The following TXNL4B variants were observed in gnomAD, a reference collection of about 807,000 sequenced individuals.
TXNL4B encodes the protein thioredoxin-like protein 4B.
TXNL4B carries 12 observed loss-of-function variants against 13.0 expected under a neutral mutation model. That is an observed-to-expected ratio of 0.92 (90% confidence interval 0.59 to 1.49). TXNL4B has a LOEUF of 1.49. Among genes scored for constraint, TXNL4B ranks in the 40% most tolerant of loss-of-function variants. The pLI is 0.00. For missense variants in TXNL4B, 214 were observed against 173.6 expected (o/e 1.23, Z -1.31); for synonymous variants, 59 against 58.9 (o/e 1.00, Z -0.01).
chr16:72,089,020 A>G lies in TXNL4B; in HGVS notation c.251T>C (p.Phe84Ser). 6.2e-7 allele frequency: 1 copy of G among 1,611,008 alleles called. No individual in the cohort carries two copies. The highest frequency in any genetic ancestry group is 8.5e-7 in the Non-Finnish European group (1 of 1,177,650). Residue 84 changes from phenylalanine to serine, a missense_variant, in exon 3 of 4, where the codon TTC (phenylalanine) becomes TCC (serine). Physicochemically the swap from Phe to Ser is radical, Grantham distance 155. Coordinates refer to ENST00000268483, the MANE Select transcript of TXNL4B (RefSeq NM_017853.3). The part of the protein sequence containing the change: ...DISYIPSTVF[F>S]FNGQHMKVDY... ...CACTTTCATATGCTGCCCATTGAAGAAAAAGACAGTAGATGGAATATAACT... is the reference window on the plus strand; with the variant it reads ...CACTTTCATATGCTGCCCATTGAAGGAAAAGACAGTAGATGGAATATAACT...
chr16:72,090,527 C>A, intron 2 of TXNL4B, 91 bp downstream of exon 2: 1 of 1,369,386 alleles, frequency 7.3e-7, no homozygotes, highest in Non-Finnish European at 1.0e-6. Context: ...TATACCCAAC[C>A]CTGACTACTC....
Position 72,086,532 on chromosome 16 carries a change from C to T in TXNL4B, c.*105G>A. On this transcript the variant is annotated 3_prime_UTR_variant, in exon 4 of 4. Coordinates refer to ENST00000268483, the MANE Select transcript of TXNL4B (RefSeq NM_017853.3). ...CTACACGCAAGTCAAACCTCTTCTC[C>T]TCTGGGACACATGTTTCCAAAGGAC... is the stretch of plus-strand genomic sequence containing the variant. The T allele has an allele frequency of 8.7e-7, 1 of 1,145,566 alleles. No individual in the cohort carries two copies. The highest frequency in any genetic ancestry group is 1.2e-6 in the Non-Finnish European group (1 of 803,942). 71.0% of individuals were successfully genotyped at this position (1,145,566 alleles called of 1,614,324 possible).
At chr16:72,087,128 G>A (rs545978905) in intron 3 of TXNL4B, among the ~76,000 whole-genome samples, 5 of 152,126 alleles carry the variant, frequency 3.3e-5, no homozygotes, top group African/African-American at 4.8e-5. Context: ...TTGTTTCTTC[G>A]TTTGCTGTTG....
At chr16:72,092,078 G>C (rs765612418) in intron 1 of TXNL4B, among the ~76,000 whole-genome samples, 38 of 152,214 alleles carry the variant, frequency 2.5e-4, no homozygotes, top group Non-Finnish European at 4.8e-4. Flanking sequence ...AATATGAAAA[G>C]GGAGGATTTC....
chr16:72,089,734 G>C (rs1390477346), intron 2 of TXNL4B, among the ~76,000 whole-genome samples: 2 of 152,188 alleles, frequency 1.3e-5, no homozygotes, highest in Non-Finnish European at 2.9e-5. Flanking sequence ...ATTAGTAGCA[G>C]ACACTTATAT....
upstream of TXNL4B, chr16:72,094,152 G>C (rs1328950670): frequency 6.5e-6 from 1 of 152,796 alleles, no homozygotes; most frequent in Non-Finnish European, 1.5e-5. Flanking sequence ...CCAGTTTGGG[G>C]AGTTCCTCTG....
chr16:72,087,988 T>A (rs1225247813), intron 3 of TXNL4B, among the ~76,000 whole-genome samples: 1 of 152,108 alleles, frequency 6.6e-6, no homozygotes, highest in East Asian at 1.9e-4. Flanking sequence ...CCCAGCTAAT[T>A]TTTTGTATTT....
chr16:72,090,011 G>C (rs1182776240), intron 2 of TXNL4B: 2 of 444,938 alleles, frequency 4.5e-6, no homozygotes, highest in Non-Finnish European at 9.1e-6. Context: ...AGAATCCTCT[G>C]GTCCTTTTTT....
chr16:72,088,865 G>C (rs1023713045), intron 3 of TXNL4B, 122 bp downstream of exon 3: 3 of 630,108 alleles, frequency 4.8e-6, no homozygotes, highest in Non-Finnish European at 7.8e-6. Flanking sequence ...TGCGTCAATT[G>C]GGGAAACAGT....
intron 3 of TXNL4B, chr16:72,087,326 T>TGTGTG (rs2041837744): frequency 2.3e-4 from 32 of 141,834 alleles, no homozygotes; most frequent in African/African-American, 8.1e-4. Flanking sequence ...CCTTCCAATC[T>TGTGTG]TGTGTGTGTG....
At chr16:72,086,839 C>A (rs1014360523) in intron 3 of TXNL4B, 37 bp from the exon 4 acceptor site, 1 of 1,454,498 alleles carries the variant, frequency 6.9e-7, no homozygotes, top group Admixed American at 2.1e-5. Flanking sequence ...GCTCTAAGAA[C>A]TTTGAGTAAT....
In TXNL4B at chr16:72,086,206, T is replaced by C. The variant is rs1430304247; in HGVS notation, c.*431A>G. The C allele has an allele frequency of 1.3e-5, 2 of 156,146 alleles. No individual in the cohort carries two copies. Among genetic ancestry groups the C allele is most frequent in the Non-Finnish European group, 2.8e-5 (2 of 70,490 alleles). The allele number at this position is 156,146 out of a possible 1,614,324, so 9.7% of individuals were successfully genotyped here. On this transcript the variant is annotated 3_prime_UTR_variant, in exon 4 of 4. Transcript: ENST00000268483. Reference sequence around the variant, plus strand: ...GTGTGGGGGTGTGTGTGTGTGTGTGTGTGCACACACATGCACCCAGCTAGG... The same window carrying C: ...GTGTGGGGGTGTGTGTGTGTGTGTGCGTGCACACACATGCACCCAGCTAGG...
rs1262393156 is a variant in TXNL4B at position 72,086,551 on chromosome 16, A to C, written c.*86T>G. 7.5e-7 allele frequency: 1 copy of C among 1,335,208 alleles called. No individual in the cohort carries two copies. The allele number at this position is 1,335,208 out of a possible 1,614,324, so 82.7% of individuals were successfully genotyped here. A position where few individuals can be genotyped will look rare whatever the true frequency, so the allele number is the denominator to read the frequency against. Reference sequence around the variant, plus strand: ...CTTCTCCTCTGGGACACATGTTTCCAAAGGACTCCAGAAACACAGCACAGC... The same window carrying C: ...CTTCTCCTCTGGGACACATGTTTCCCAAGGACTCCAGAAACACAGCACAGC... On this transcript the variant is annotated 3_prime_UTR_variant, in exon 4 of 4. Coordinates refer to ENST00000268483, the MANE Select transcript of TXNL4B (RefSeq NM_017853.3).
At chr16:72,089,228 T>C in intron 2 of TXNL4B, 90 bp from the exon 3 acceptor site, 2 of 1,220,426 alleles carry the variant, frequency 1.6e-6, no homozygotes, top group East Asian at 4.9e-5. Flanking sequence ...GAGTGTTTTG[T>C]TTGAAAAAAC....
chr16:72,094,340 C>T (rs1402067080), upstream of TXNL4B: 1 of 152,312 alleles, frequency 6.6e-6, no homozygotes, highest in Non-Finnish European at 1.5e-5. Flanking sequence ...TTAACCCACC[C>T]CAGACTGTCA....
Position 72,088,935 on chromosome 16 carries a change from T to C in TXNL4B, c.284+52A>G. 3 of 1,480,624 alleles carry C rather than the reference T, an allele frequency of 2.0e-6. No homozygotes were observed. In the South Asian group the frequency reaches 3.7e-5, roughly 18 times the overall value. 91.7% of individuals were successfully genotyped at this position (1,480,624 alleles called of 1,614,324 possible). On this transcript the variant is annotated intron_variant, in intron 3 of 3. Coordinates refer to ENST00000268483, the MANE Select transcript of TXNL4B (RefSeq NM_017853.3). ...GAAATAGGCAAGCTACTGAAAATGC[T>C]TACCAAGGAAACTTACAAGGTTGCA...
Position 72,086,631 on chromosome 16 carries a change from A to C in TXNL4B, c.*6T>G. On this transcript the variant is annotated 3_prime_UTR_variant, in exon 4 of 4. Transcript: ENST00000268483. ...TTCTTCTTCATCTTTGACAGCAATT[A>C]ATGTACTAAATGTCTTGATAGAGAA... 1 of 1,607,820 alleles carries C rather than the reference A, an allele frequency of 6.2e-7. No homozygotes were observed. Among genetic ancestry groups the C allele is most frequent in the Non-Finnish European group, 8.5e-7 (1 of 1,174,974 alleles).
chr16:72,089,257 G>C, intron 2 of TXNL4B, 119 bp from the exon 3 acceptor site: 1 of 772,256 alleles, frequency 1.3e-6, no homozygotes. Flanking sequence ...CAACAATGCA[G>C]CCCATGTGGC....
At chr16:72,092,189 A>G (rs951760560) in intron 1 of TXNL4B, among the ~76,000 whole-genome samples, 3 of 152,250 alleles carry the variant, frequency 2.0e-5, no homozygotes, top group Non-Finnish European at 4.4e-5. Flanking sequence ...AGGGTGGATC[A>G]CCTATGGCCA....
Sources: gnomAD v4.1 joint callset for allele counts (sites outside exome capture counted in the v4.1 genomes callset) on GRCh38, gnomAD v4.1.1 for gene constraint, MANE v1.5 for transcripts, NCBI Gene and HGNC (gene_info 2026-07-23, HGNC 2026-07-21) for gene names.